Variants in REEP1 observed in about 807,000 individuals in gnomAD.
REEP1 encodes the protein receptor accessory protein 1, also known as receptor expression-enhancing protein 1.
Under a neutral mutation model 40.3 loss-of-function variants are expected in REEP1, and 22 were observed. The ratio of observed to expected loss-of-function variants is 0.55; its 90% confidence interval spans 0.39 to 0.78. The LOEUF (loss-of-function observed/expected upper bound fraction) is 0.78, where lower values mean the gene tolerates loss of function less well. REEP1 is among the 30% of genes least tolerant of loss of function. REEP1 has a pLI of 0.00. For synonymous variants in REEP1, 116 were observed against 139.2 expected (o/e 0.83, Z 1.17); for missense variants, 280 against 361.1 (o/e 0.78, Z 1.82).
chr2:86,302,886 C>T (rs1346384612), intron 1 of REEP1, among the ~76,000 whole-genome samples: 1 of 151,942 alleles, frequency 6.6e-6, no homozygotes, highest in African/African-American at 2.4e-5. Flanking sequence ...AGCATTTGAC[C>T]CTTCATCCAT....
intron 1 of REEP1, among the ~76,000 whole-genome samples, chr2:86,284,028 GGGGAAACATTTA>G (rs1460740403): frequency 6.6e-6 from 1 of 152,120 alleles, no homozygotes; most frequent in Non-Finnish European, 1.5e-5. Context: ...TGGGGGTGAG[GGGGAAACATTTA>G]AGAGAGGGTA....
intron 1 of REEP1, among the ~76,000 whole-genome samples, chr2:86,336,365 G>A (rs59057655): frequency 0.092 from 13,942 of 152,092 alleles, 2,168 homozygotes; most frequent in African/African-American, 0.32. Context: ...GGGAAAATCA[G>A]TAAAGAAGGG....
At chr2:86,233,547 C>A (rs147002673) in intron 5 of REEP1, among the ~76,000 whole-genome samples, 1 of 151,982 alleles carries the variant, frequency 6.6e-6, no homozygotes, top group African/African-American at 2.4e-5. Flanking sequence ...ATTTTACTTA[C>A]GAAAGAGCAG....
At chr2:86,237,973 G>A (rs187933168) in intron 5 of REEP1, among the ~76,000 whole-genome samples, 1,913 of 152,198 alleles carry the variant, frequency 0.013, 43 homozygotes, top group African/African-American at 0.043. Flanking sequence ...CCTGAGGTCG[G>A]GAGTTTGAGA....
At chr2:86,294,046 T>C (rs1238614707) in intron 1 of REEP1, among the ~76,000 whole-genome samples, 1 of 152,206 alleles carries the variant, frequency 6.6e-6, no homozygotes, top group Non-Finnish European at 1.5e-5. Context: ...ACTGAGTGAT[T>C]ACATTTATAA....
In REEP1 at chr2:86,257,917, C is replaced by T. The variant is rs556296189; in HGVS notation, c.183-3103G>A. Among the ~76,000 whole-genome samples, 303 of 152,254 alleles carry T rather than the reference C, an allele frequency of 2.0e-3. 2 individuals carry two copies. Among genetic ancestry groups the T allele is most frequent in the African/African-American group, 6.6e-3 (273 of 41,548 alleles). Reference sequence around the variant, plus strand: ...GATTACAAGCATGAGCCACCGCGCCCGGCCTATCTCACTCATCTTAATGGC... The same window carrying T: ...GATTACAAGCATGAGCCACCGCGCCTGGCCTATCTCACTCATCTTAATGGC... On this transcript the variant is annotated intron_variant, in intron 3 of 8. Transcript: ENST00000538924.
chr2:86,330,201 A>G (rs2104539764), intron 1 of REEP1, among the ~76,000 whole-genome samples: 1 of 152,316 alleles, frequency 6.6e-6, no homozygotes, highest in East Asian at 1.9e-4. Flanking sequence ...GCACAATACC[A>G]TATTATGCCA....
chr2:86,288,555 T>A (rs905810488), intron 1 of REEP1, among the ~76,000 whole-genome samples: 5 of 152,222 alleles, frequency 3.3e-5, no homozygotes, highest in Non-Finnish European at 5.9e-5. Context: ...TTTTCCCCTT[T>A]ACAAACAGGG....
intron 1 of REEP1, among the ~76,000 whole-genome samples, chr2:86,287,932 T>C (rs1678481058): frequency 6.6e-6 from 1 of 152,262 alleles, no homozygotes; most frequent in Non-Finnish European, 1.5e-5. Flanking sequence ...TATTCCACTG[T>C]GATATGTTTT....
intron 2 of REEP1, 31 bp from the exon 3 acceptor site, chr2:86,264,072 GA>G (rs755473240): frequency 6.4e-7 from 1 of 1,566,268 alleles, no homozygotes. Context: ...ACAGCTGGTA[GA>G]AAAGGTCCAG....
At chr2:86,281,378 C>T (rs1678081250) in intron 2 of REEP1, among the ~76,000 whole-genome samples, 1 of 152,178 alleles carries the variant, frequency 6.6e-6, no homozygotes, top group South Asian at 2.1e-4. Flanking sequence ...GCCTATAATC[C>T]CCGCTTTTTG....
chr2:86,281,328 T>C (rs1451871945), intron 2 of REEP1, among the ~76,000 whole-genome samples: 3 of 152,190 alleles, frequency 2.0e-5, no homozygotes, highest in Non-Finnish European at 4.4e-5. Flanking sequence ...TTCTGCAATG[T>C]GCTACAGGAA....
At chr2:86,330,437 G>A (rs1315400189) in intron 1 of REEP1, among the ~76,000 whole-genome samples, 1 of 150,720 alleles carries the variant, frequency 6.6e-6, no homozygotes, top group Non-Finnish European at 1.5e-5. Context: ...GTGTGTGTGT[G>A]TGTGTGTGTG....
intron 4 of REEP1, among the ~76,000 whole-genome samples, chr2:86,252,496 A>G (rs1676342782): frequency 7.0e-6 from 1 of 143,228 alleles, no homozygotes. Flanking sequence ...GCCTCTCTAC[A>G]CACAGTTTTA....
intron 5 of REEP1, among the ~76,000 whole-genome samples, chr2:86,245,940 A>AT (rs1314175935): frequency 1.3e-5 from 2 of 151,590 alleles, no homozygotes; most frequent in Admixed American, 1.3e-4. Context: ...AATTTTTTGT[A>AT]TTTTTAGTAG....
chr2:86,250,134 G>A (rs1676189311), intron 5 of REEP1, among the ~76,000 whole-genome samples: 1 of 152,198 alleles, frequency 6.6e-6, no homozygotes. Context: ...AGGATGATAG[G>A]AAGACTCTGG....
intron 7 of REEP1, among the ~76,000 whole-genome samples, chr2:86,225,603 A>T (rs924329344): frequency 2.0e-5 from 3 of 152,246 alleles, no homozygotes; most frequent in Non-Finnish European, 1.5e-5. Context: ...GGACTTAAAA[A>T]GCTGAGCACT....
intron 1 of REEP1, among the ~76,000 whole-genome samples, chr2:86,316,548 CAAAAAA>C (rs58561932): frequency 4.3e-5 from 3 of 70,454 alleles, no homozygotes; most frequent in African/African-American, 1.8e-4. Context: ...AACTCTGTCT[CAAAAAA>C]AAAAAAAAAA....
intron 1 of REEP1, among the ~76,000 whole-genome samples, chr2:86,323,680 G>A (rs1680373294): frequency 6.6e-6 from 1 of 152,178 alleles, no homozygotes; most frequent in South Asian, 2.1e-4. Flanking sequence ...AGTCCTTGGT[G>A]CCAAAAAGGC....
Sources: gnomAD v4.1 joint callset for allele counts (sites outside exome capture counted in the v4.1 genomes callset) on GRCh38, gnomAD v4.1.1 for gene constraint, MANE v1.5 for transcripts, NCBI Gene and HGNC (gene_info 2026-07-23, HGNC 2026-07-21) for gene names.